Variants in GLI3 observed in about 807,000 individuals in gnomAD.
GLI3 encodes GLI family zinc finger 3.
Under a neutral mutation model 100.8 loss-of-function variants are expected in GLI3, and 20 were observed. The observed-to-expected ratio is 0.20, with a 90% CI of 0.14 to 0.29. The LOEUF (loss-of-function observed/expected upper bound fraction) is 0.29, where lower values mean the gene tolerates loss of function less well. Ranked by LOEUF, GLI3 falls within the 10% of genes least tolerant of loss-of-function variation. The probability of loss-of-function intolerance (pLI) is 1.00; values close to 1 mark genes in which losing one functional copy is unlikely to be tolerated. For synonymous variants in GLI3, 938 were observed against 860.5 expected (o/e 1.09, Z -1.58); for missense variants, 2,040 against 2,128.5 (o/e 0.96, Z 0.82).
Position 41,961,261 on chromosome 7 carries a change from T to C in GLI3, c.*3069A>G, listed in dbSNP as rs1252257334. ...AAATGAACTTGTATTTTATTTTACATGTCTGCAGGATACACAAGGGTAACT... is the reference window on the plus strand; with the variant it reads ...AAATGAACTTGTATTTTATTTTACACGTCTGCAGGATACACAAGGGTAACT... On this transcript the variant is annotated 3_prime_UTR_variant, in exon 15 of 15. Transcript: ENST00000395925. 1 of 152,606 alleles carries C rather than the reference T, an allele frequency of 6.6e-6. No homozygotes were observed. 9.5% of individuals were successfully genotyped at this position (152,606 alleles called of 1,614,324 possible). A position where few individuals can be genotyped will look rare whatever the true frequency, so the allele number is the denominator to read the frequency against.
intron 12 of GLI3, among the ~76,000 whole-genome samples, chr7:41,974,441 A>G (rs902128042): frequency 6.6e-6 from 1 of 152,240 alleles, no homozygotes; most frequent in Admixed American, 6.5e-5. Flanking sequence ...GTGATCAGTG[A>G]CTGAAATAAA....
chr7:42,250,580 A>G (rs1057302729), intron 1 of GLI3, among the ~76,000 whole-genome samples: 3 of 152,170 alleles, frequency 2.0e-5, no homozygotes, highest in African/African-American at 4.8e-5. Context: ...AGCCAGAGCC[A>G]TGTCCCCCAT....
intron 4 of GLI3, among the ~76,000 whole-genome samples, chr7:42,057,667 AT>A (rs1784490934): frequency 6.6e-6 from 1 of 152,236 alleles, no homozygotes; most frequent in South Asian, 2.1e-4. Flanking sequence ...TCTCACAAAC[AT>A]AATGATGGAT....
At chr7:42,220,472 C>G (rs1788464546) in intron 2 of GLI3, among the ~76,000 whole-genome samples, 1 of 152,152 alleles carries the variant, frequency 6.6e-6, no homozygotes, top group Admixed American at 6.5e-5. Context: ...ACCCCACGAG[C>G]TCTAAACCCA....
At chr7:41,985,806 CAT>C (rs1787805395) in intron 10 of GLI3, among the ~76,000 whole-genome samples, 1 of 152,102 alleles carries the variant, frequency 6.6e-6, no homozygotes. Flanking sequence ...ACTAGGCAGA[CAT>C]AGAAAAAAAC....
chr7:41,977,903 C>T (rs1385189327), intron 11 of GLI3, 181 bp from the exon 12 acceptor site: 1 of 645,466 alleles, frequency 1.5e-6, no homozygotes, highest in African/African-American at 1.8e-5. Flanking sequence ...TGGTGTAGTT[C>T]CAGATAAAGA....
intron 3 of GLI3, among the ~76,000 whole-genome samples, chr7:42,082,181 C>T (rs937188978): frequency 2.0e-5 from 3 of 151,718 alleles, no homozygotes; most frequent in African/African-American, 4.8e-5. Context: ...ATGAGAGATC[C>T]GACTGCCAAG....
At chr7:42,034,213 G>A (rs755537767) in intron 7 of GLI3, among the ~76,000 whole-genome samples, 2 of 152,018 alleles carry the variant, frequency 1.3e-5, no homozygotes, top group East Asian at 1.9e-4. Context: ...AGCATTTCCC[G>A]CCAATGCTTT....
chr7:41,982,942 T>C (rs1278520628), intron 10 of GLI3, among the ~76,000 whole-genome samples: 1 of 152,186 alleles, frequency 6.6e-6, no homozygotes, highest in Non-Finnish European at 1.5e-5. Flanking sequence ...AAAAGCTAGA[T>C]AGTAAATATT....
At chr7:42,031,054 C>T (rs1414469327) in intron 7 of GLI3, among the ~76,000 whole-genome samples, 1 of 152,124 alleles carries the variant, frequency 6.6e-6, no homozygotes, top group African/African-American at 2.4e-5. Context: ...TATACCTTCT[C>T]TAGAGCAGGA....
rs769769944 is a variant in GLI3, at chr7:41,967,931, G to A, written c.2104-8C>T. On this transcript the variant is annotated splice_polypyrimidine_tract_variant and splice_region_variant and intron_variant, in intron 13 of 14. Coordinates refer to ENST00000395925, the MANE Select transcript of GLI3 (RefSeq NM_000168.6). ...AGGGCTTGGCTGAGATGTCTGTTGG[G>A]GTCAAGTGGAAAGGAAAGAAATGTC... 36 of 1,612,424 alleles carry A rather than the reference G, an allele frequency of 2.2e-5. No homozygotes were observed. The highest frequency in any genetic ancestry group is 5.0e-5 in the Admixed American group (3 of 60,004).
chr7:42,187,881 T>C (rs1401179724), intron 2 of GLI3, among the ~76,000 whole-genome samples: 1 of 151,448 alleles, frequency 6.6e-6, no homozygotes, highest in Non-Finnish European at 1.5e-5. Context: ...CAGGCACCTG[T>C]AATCCCATCT....
chr7:42,232,719 T>C (rs1342273184), intron 1 of GLI3, among the ~76,000 whole-genome samples: 2 of 152,232 alleles, frequency 1.3e-5, no homozygotes, highest in Admixed American at 6.5e-5. Flanking sequence ...CAACTATAGA[T>C]ACCACAGATG....
intron 4 of GLI3, among the ~76,000 whole-genome samples, chr7:42,068,464 T>A (rs1355392405): frequency 6.6e-6 from 1 of 152,148 alleles, no homozygotes; most frequent in Non-Finnish European, 1.5e-5. Flanking sequence ...AAAATCCACC[T>A]CTCTCCTCCT....
Position 41,998,316 on chromosome 7 carries a change from T to TA in GLI3, c.1498-19569dup, listed in dbSNP as rs1205912779. ...AACACTGTATTTTCTTTATACATAT[T>TA]AAAAAAATAGCTCTTTTACTGCTTC... On this transcript the variant is annotated intron_variant, in intron 10 of 14. Transcript: ENST00000395925. 7.9e-5 allele frequency among the ~76,000 whole-genome samples: 12 copies of TA among 152,214 alleles called. No individual in the cohort carries two copies. The South Asian group carries it at 2.3e-3, about 29-fold the overall frequency.
intron 13 of GLI3, among the ~76,000 whole-genome samples, chr7:41,970,961 C>T (rs1056416305): frequency 1.3e-5 from 2 of 152,186 alleles, no homozygotes; most frequent in African/African-American, 4.8e-5. Context: ...CAGTGATCAA[C>T]CATAATGTAT....
chr7:41,965,357 G>T lies in GLI3; in HGVS notation c.3716C>A (p.Thr1239Asn). ...LMLHNSPGSG[T>N]SGNAFHEQPC... ...CTGTTCATGGAAGGCGTTTCCACTG[G>T]TGCCACTTCCGGGGCTGTTGTGGAG... The change falls in exon 15 of 15, where the codon ACC becomes AAC. Residue 1239 changes from threonine to asparagine, a missense_variant. Thr to Asn is a moderately conservative substitution (Grantham distance 65). Transcript: ENST00000395925. 6.2e-7 allele frequency: 1 copy of T among 1,613,496 alleles called. No homozygotes were observed. The highest frequency in any genetic ancestry group is 8.5e-7 in the Non-Finnish European group (1 of 1,179,738).
intron 2 of GLI3, among the ~76,000 whole-genome samples, chr7:42,200,636 G>T (rs780664002): frequency 6.6e-6 from 1 of 152,100 alleles, no homozygotes; most frequent in Non-Finnish European, 1.5e-5. Flanking sequence ...AGCAAAAACA[G>T]TTTTCTTGTG....
chr7:42,235,234 A>T (rs185772961), intron 1 of GLI3, among the ~76,000 whole-genome samples: 2 of 152,362 alleles, frequency 1.3e-5, no homozygotes, highest in East Asian at 3.9e-4. Flanking sequence ...ACAGGAATCA[A>T]TCAATAAGGC....
Sources: gnomAD v4.1 joint callset for allele counts (sites outside exome capture counted in the v4.1 genomes callset) on GRCh38, gnomAD v4.1.1 for gene constraint, MANE v1.5 for transcripts, NCBI Gene and HGNC (gene_info 2026-07-23, HGNC 2026-07-21) for gene names.